GABRB1: variants seen among roughly 807,000 people sequenced by gnomAD.
GABRB1 encodes gamma-aminobutyric acid type A receptor subunit beta1, also known as gamma-aminobutyric acid receptor subunit beta-1.
GABRB1 carries 17 observed loss-of-function variants against 51.6 expected under a neutral mutation model. The observed-to-expected ratio is 0.33, with a 90% CI of 0.23 to 0.49. The LOEUF (loss-of-function observed/expected upper bound fraction) is 0.49. GABRB1 is among the 20% of genes least tolerant of loss of function. The pLI, the probability that GABRB1 is intolerant of heterozygous loss-of-function variation, is 0.99. For missense variants in GABRB1, 410 were observed against 600.6 expected (o/e 0.68, Z 3.32); for synonymous variants, 247 against 218.9 (o/e 1.13, Z -1.14).
At chr4:47,220,682 T>C (rs1720734053) in intron 4 of GABRB1, among the ~76,000 whole-genome samples, 1 of 152,012 alleles carries the variant, frequency 6.6e-6, no homozygotes, top group Non-Finnish European at 1.5e-5. Context: ...ATGCTGATCT[T>C]TGATTTCTGC....
chr4:47,210,353 A>G (rs1720306521), intron 4 of GABRB1, among the ~76,000 whole-genome samples: 1 of 152,202 alleles, frequency 6.6e-6, no homozygotes, highest in Non-Finnish European at 1.5e-5. Context: ...AATGAACTGT[A>G]GCTGAAATGT....
At chr4:47,024,688 G>A (rs1055063691) in intron 1 of GABRB1, among the ~76,000 whole-genome samples, 1 of 151,492 alleles carries the variant, frequency 6.6e-6, no homozygotes, top group African/African-American at 2.4e-5. Flanking sequence ...AGTATACACT[G>A]AACCCATTTG....
intron 4 of GABRB1, among the ~76,000 whole-genome samples, chr4:47,298,936 A>T (rs956804913): frequency 1.3e-5 from 2 of 151,810 alleles, no homozygotes; most frequent in Admixed American, 6.6e-5. Context: ...ATAACGCCGC[A>T]TATCTACAAC....
chr4:47,120,693 T>C (rs1443147923), intron 3 of GABRB1, among the ~76,000 whole-genome samples: 1 of 152,088 alleles, frequency 6.6e-6, no homozygotes, highest in African/African-American at 2.4e-5. Context: ...CAACAGTTGA[T>C]AAATCATGCC....
intron 1 of GABRB1, among the ~76,000 whole-genome samples, chr4:47,017,086 G>T (rs948840989): frequency 2.0e-5 from 3 of 152,154 alleles, no homozygotes; most frequent in African/African-American, 7.2e-5. Context: ...TGCTAATAAG[G>T]TATTTAGAAA....
chr4:47,083,461 T>C (rs1727936661), intron 3 of GABRB1, among the ~76,000 whole-genome samples: 2 of 152,194 alleles, frequency 1.3e-5, no homozygotes, highest in South Asian at 4.1e-4. Context: ...AAATATATGT[T>C]CTTATAAAGC....
chr4:47,315,436 T>C (rs1250477578), intron 4 of GABRB1, among the ~76,000 whole-genome samples: 1 of 152,026 alleles, frequency 6.6e-6, no homozygotes. Context: ...CTGGTGGAAA[T>C]GTAAATTAGT....
At chr4:47,202,038 A>C (rs543067119) in intron 4 of GABRB1, among the ~76,000 whole-genome samples, 6 of 152,224 alleles carry the variant, frequency 3.9e-5, no homozygotes, top group South Asian at 2.1e-4. Context: ...ACTTAAAACT[A>C]GGTTGTTGAT....
At chr4:47,059,974 G>A (rs929601606) in intron 3 of GABRB1, among the ~76,000 whole-genome samples, 4 of 152,164 alleles carry the variant, frequency 2.6e-5, no homozygotes, top group African/African-American at 9.7e-5. Context: ...ATTTCTGTCA[G>A]TGGTACTATG....
intron 4 of GABRB1, among the ~76,000 whole-genome samples, chr4:47,268,644 C>A (rs994031504): frequency 1.3e-5 from 2 of 152,040 alleles, no homozygotes; most frequent in Non-Finnish European, 2.9e-5. Context: ...ACTAAAAGTG[C>A]TTAGTTTGAA....
chr4:47,048,816 T>C (rs1444179671), intron 3 of GABRB1, among the ~76,000 whole-genome samples: 1 of 152,150 alleles, frequency 6.6e-6, no homozygotes, highest in African/African-American at 2.4e-5. Context: ...TTTCTCATTT[T>C]ATCCAACAAT....
Position 47,394,198 on chromosome 4 carries a change from C to G in GABRB1, c.545-9120C>G, listed in dbSNP as rs117033380. 6.0e-3 allele frequency among the ~76,000 whole-genome samples: 916 copies of G among 152,282 alleles called. 15 individuals are homozygous for G. The highest frequency in any genetic ancestry group is 0.047 in the East Asian group (241 of 5,178). On this transcript the variant is annotated intron_variant, in intron 5 of 8. Coordinates refer to ENST00000295454, the MANE Select transcript of GABRB1 (RefSeq NM_000812.4). ...CTGTCAGCCCTGTTTTTACTGCCTA[C>G]TTGAAAATGGGCCACCCAGGATCAC...
At chr4:47,414,627 T>C (rs909606527) in intron 8 of GABRB1, among the ~76,000 whole-genome samples, 1 of 152,222 alleles carries the variant, frequency 6.6e-6, no homozygotes, top group Admixed American at 6.5e-5. Context: ...ATACCAAATA[T>C]GCAGTTGTAT....
chr4:47,268,975 T>G (rs1722750515), intron 4 of GABRB1, among the ~76,000 whole-genome samples: 1 of 152,232 alleles, frequency 6.6e-6, no homozygotes, highest in Non-Finnish European at 1.5e-5. Flanking sequence ...CAAGCTGTTT[T>G]ATTTTCATTT....
intron 4 of GABRB1, among the ~76,000 whole-genome samples, chr4:47,302,413 C>A (rs555138806): frequency 6.6e-6 from 1 of 151,668 alleles, no homozygotes; most frequent in African/African-American, 2.4e-5. Context: ...ATTATAAGTT[C>A]GGCATATTTC....
upstream of GABRB1, among the ~76,000 whole-genome samples, chr4:47,030,234 T>C (rs1418047979): frequency 6.6e-6 from 1 of 152,210 alleles, no homozygotes; most frequent in Non-Finnish European, 1.5e-5. Context: ...TTCTTGTGCA[T>C]ATTTTTCCCC....
At chr4:47,145,145 C>T (rs1480058980) in intron 3 of GABRB1, among the ~76,000 whole-genome samples, 1 of 151,910 alleles carries the variant, frequency 6.6e-6, no homozygotes, top group Non-Finnish European at 1.5e-5. Context: ...GTATCTGCAG[C>T]AGGTATGCCT....
intron 4 of GABRB1, among the ~76,000 whole-genome samples, chr4:47,239,389 T>C (rs763500455): frequency 1.2e-4 from 18 of 152,198 alleles, no homozygotes; most frequent in Non-Finnish European, 2.4e-4. Context: ...TTGGGTTATT[T>C]CCAGGTTTTG....
intron 5 of GABRB1, among the ~76,000 whole-genome samples, chr4:47,338,369 A>G (rs1449924202): frequency 2.6e-5 from 4 of 152,218 alleles, no homozygotes; most frequent in African/African-American, 9.6e-5. Context: ...GTCCGTCAAA[A>G]GCTTACATTC....
Sources: allele counts gnomAD v4.1 joint callset (sites outside exome capture counted in the v4.1 genomes callset), GRCh38; gene constraint gnomAD v4.1.1; transcripts MANE v1.5; gene names NCBI Gene and HGNC (gene_info 2026-07-23, HGNC 2026-07-21).